The following CNTNAP2 variants were observed in gnomAD, a reference collection of about 807,000 sequenced individuals.
CNTNAP2 encodes the protein contactin associated protein 2.
In CNTNAP2, 98 loss-of-function variants were observed where a neutral mutation model predicts 155.2. That is an observed-to-expected ratio of 0.63 (90% CI 0.54 to 0.75). CNTNAP2 has a LOEUF of 0.75. Among genes scored for constraint, CNTNAP2 ranks in the 30% least tolerant of loss-of-function variants. The pLI is 0.00. For missense variants in CNTNAP2, 1,727 were observed against 1,688.1 expected, an observed-to-expected ratio of 1.02 and a Z score of -0.40; for synonymous variants, 651 against 631.2, an observed-to-expected ratio of 1.03 and a Z score of -0.47.
At chr7:146,706,682 C>G (rs960474685) in intron 1 of CNTNAP2, among the ~76,000 whole-genome samples, 1 of 151,960 alleles carries the variant, frequency 6.6e-6, no homozygotes, top group Admixed American at 6.6e-5. Context: ...AACCAAATAC[C>G]GCATGTTCTC....
At chr7:146,415,789 A>G (rs1412888013) in intron 1 of CNTNAP2, among the ~76,000 whole-genome samples, 1 of 152,124 alleles carries the variant, frequency 6.6e-6, no homozygotes, top group Non-Finnish European at 1.5e-5. Flanking sequence ...TTAAAAAATT[A>G]CAAGTGATAT....
intron 4 of CNTNAP2, among the ~76,000 whole-genome samples, chr7:147,054,446 T>C (rs1347608712): frequency 1.3e-5 from 2 of 152,296 alleles, no homozygotes; most frequent in Non-Finnish European, 2.9e-5. Context: ...AACTACTTTT[T>C]ATATATATGT....
chr7:146,287,458 A>C (rs1176265369), intron 1 of CNTNAP2, among the ~76,000 whole-genome samples: 6 of 152,118 alleles, frequency 3.9e-5, no homozygotes, highest in Non-Finnish European at 8.8e-5. Flanking sequence ...TAGTGTTTTG[A>C]AGACATATTA....
chr7:148,159,907 AT>A (rs923320863), intron 17 of CNTNAP2, among the ~76,000 whole-genome samples: 4 of 151,222 alleles, frequency 2.6e-5, no homozygotes, highest in Admixed American at 6.6e-5. Context: ...TCCTTATGAC[AT>A]TTTTTTTTAA....
At chr7:148,085,638 A>T (rs1803710915) in intron 15 of CNTNAP2, among the ~76,000 whole-genome samples, 1 of 152,110 alleles carries the variant, frequency 6.6e-6, no homozygotes, top group Non-Finnish European at 1.5e-5. Context: ...AAATTTTGAC[A>T]ATCTGAGAAT....
intron 1 of CNTNAP2, among the ~76,000 whole-genome samples, chr7:146,470,000 C>A (rs908949763): frequency 6.6e-6 from 1 of 151,712 alleles, no homozygotes; most frequent in Non-Finnish European, 1.5e-5. Context: ...CCACCACGCC[C>A]GGCTAATTTT....
intron 13 of CNTNAP2, among the ~76,000 whole-genome samples, chr7:147,895,775 T>G (rs1799766051): frequency 6.6e-6 from 1 of 152,216 alleles, no homozygotes; most frequent in African/African-American, 2.4e-5. Flanking sequence ...ATAAGGGAAT[T>G]CTTTGCTCAA....
chr7:146,834,508 G>A (rs563854493), intron 2 of CNTNAP2, among the ~76,000 whole-genome samples: 2 of 152,150 alleles, frequency 1.3e-5, no homozygotes, highest in East Asian at 3.9e-4. Context: ...ACAGATGGAG[G>A]ATGGGAGGGG....
At chr7:146,263,951 G>C (rs1166634850) in intron 1 of CNTNAP2, among the ~76,000 whole-genome samples, 1 of 152,166 alleles carries the variant, frequency 6.6e-6, no homozygotes, top group African/African-American at 2.4e-5. Context: ...AATGAACGGA[G>C]CTAAATGAAG....
chr7:148,210,541 T>A (rs901602694), intron 18 of CNTNAP2, among the ~76,000 whole-genome samples: 2 of 152,212 alleles, frequency 1.3e-5, no homozygotes, highest in Non-Finnish European at 2.9e-5. Context: ...GATTGATGTG[T>A]TTACAGTAAT....
intron 17 of CNTNAP2, among the ~76,000 whole-genome samples, chr7:148,153,972 T>C: frequency 6.6e-6 from 1 of 152,186 alleles, no homozygotes; most frequent in Middle Eastern, 3.2e-3. Context: ...TGGAGGCCAT[T>C]TCAGACAGCT....
chr7:146,845,481 T>G (rs533235992), intron 3 of CNTNAP2, among the ~76,000 whole-genome samples: 1 of 152,310 alleles, frequency 6.6e-6, no homozygotes, highest in Non-Finnish European at 1.5e-5. Context: ...GTAAAGAAAT[T>G]TTTCAAGCTA....
In CNTNAP2 at chr7:146,736,123, TTG is replaced by T. The variant is rs1801615766; in HGVS notation, c.98-38146_98-38145del. 3.9e-5 allele frequency among the ~76,000 whole-genome samples: 6 copies of T among 152,232 alleles called. No homozygotes were observed. In the South Asian group the frequency reaches 1.2e-3, roughly 32 times the overall value. On this transcript the variant is annotated intron_variant, in intron 1 of 23. Transcript: ENST00000361727. Reference sequence around the variant, plus strand: ...AACAATTATTCATATGGCATGTATATTGTATTAGTAATCTGGAAATGGTTTAT... The same window carrying T: ...AACAATTATTCATATGGCATGTATATTATTAGTAATCTGGAAATGGTTTAT...
At chr7:146,543,654 T>C (rs1224535450) in intron 1 of CNTNAP2, among the ~76,000 whole-genome samples, 1 of 152,012 alleles carries the variant, frequency 6.6e-6, no homozygotes, top group East Asian at 1.9e-4. Flanking sequence ...AGCTAGTTGA[T>C]GGCATAGTTG....
At chr7:146,716,030 G>A (rs990094171) in intron 1 of CNTNAP2, among the ~76,000 whole-genome samples, 11 of 152,132 alleles carry the variant, frequency 7.2e-5, no homozygotes, top group Middle Eastern at 3.4e-3. Flanking sequence ...TTAACATGCC[G>A]CCTGCATCAT....
intron 22 of CNTNAP2, among the ~76,000 whole-genome samples, chr7:148,387,896 A>G (rs1330748730): frequency 2.0e-5 from 3 of 152,158 alleles, no homozygotes; most frequent in Non-Finnish European, 4.4e-5. Flanking sequence ...GAAGCCAGCT[A>G]AAACCATCAA....
At chr7:146,960,299 C>G (rs2129230253) in intron 3 of CNTNAP2, among the ~76,000 whole-genome samples, 1 of 152,270 alleles carries the variant, frequency 6.6e-6, no homozygotes, top group African/African-American at 2.4e-5. Flanking sequence ...ATTCTTATTA[C>G]TTATTTTGAG....
intron 11 of CNTNAP2, among the ~76,000 whole-genome samples, chr7:147,552,333 C>T (rs1480243216): frequency 5.9e-5 from 9 of 152,004 alleles, no homozygotes; most frequent in Non-Finnish European, 1.3e-4. Context: ...AAAATCAGTC[C>T]TATTGCCTCA....
At chr7:147,111,971 C>T in intron 5 of CNTNAP2, among the ~76,000 whole-genome samples, 1 of 152,076 alleles carries the variant, frequency 6.6e-6, no homozygotes, top group African/African-American at 2.4e-5. Context: ...TGGCCATTTT[C>T]ATGATGTTGA....
Sources: gnomAD v4.1 joint callset for allele counts (sites outside exome capture counted in the v4.1 genomes callset) on GRCh38, gnomAD v4.1.1 for gene constraint, MANE v1.5 for transcripts, NCBI Gene and HGNC (gene_info 2026-07-23, HGNC 2026-07-21) for gene names.